Variants in EXOC4 observed in about 807,000 individuals in gnomAD.
EXOC4 encodes the protein SEC8-like 1.
Under a neutral mutation model 107.2 loss-of-function variants are expected in EXOC4, and 71 were observed. That is an observed-to-expected ratio of 0.66 (90% CI 0.55 to 0.81). The LOEUF (loss-of-function observed/expected upper bound fraction) is 0.81. Ranked by LOEUF, EXOC4 falls within the 30% of genes least tolerant of loss-of-function variation. EXOC4 has a pLI of 0.00. For missense variants in EXOC4, 1,108 were observed against 1,189.6 expected (o/e 0.93, Z 1.01); for synonymous variants, 456 against 441.2 (o/e 1.03, Z -0.42).
chr7:133,995,290 C>G (rs577605062), intron 14 of EXOC4, among the ~76,000 whole-genome samples: 132 of 152,176 alleles, frequency 8.7e-4, no homozygotes, highest in South Asian at 2.5e-3. Flanking sequence ...GTCCAGAATG[C>G]CTTTGATGGA....
At chr7:133,663,162 C>T (rs560012519) in intron 10 of EXOC4, among the ~76,000 whole-genome samples, 6 of 152,116 alleles carry the variant, frequency 3.9e-5, no homozygotes, top group Non-Finnish European at 5.9e-5. Flanking sequence ...TTTGATGTGG[C>T]TCACTGGTAT....
At chr7:133,954,240 C>T (rs1800762138) in intron 14 of EXOC4, among the ~76,000 whole-genome samples, 2 of 152,186 alleles carry the variant, frequency 1.3e-5, no homozygotes, top group South Asian at 2.1e-4. Context: ...TTATAATTAT[C>T]TAAGCAGTAA....
intron 7 of EXOC4, among the ~76,000 whole-genome samples, chr7:133,462,574 ACT>A (rs1205012213): frequency 2.6e-5 from 4 of 152,168 alleles, no homozygotes; most frequent in African/African-American, 7.2e-5. Flanking sequence ...CATGCATGTA[ACT>A]CTGATTAGTA....
chr7:133,920,378 G>T (rs918585675), intron 13 of EXOC4, among the ~76,000 whole-genome samples: 2 of 152,074 alleles, frequency 1.3e-5, no homozygotes, highest in African/African-American at 4.8e-5. Flanking sequence ...TTTTAATTAA[G>T]TCCAACATAT....
intron 9 of EXOC4, among the ~76,000 whole-genome samples, chr7:133,584,741 G>A: frequency 6.6e-6 from 1 of 151,890 alleles, no homozygotes; most frequent in Non-Finnish European, 1.5e-5. Flanking sequence ...ATCACACCCA[G>A]CTAATTTTTG....
At chr7:133,579,979 G>A (rs1229727879) in intron 9 of EXOC4, among the ~76,000 whole-genome samples, 2 of 152,212 alleles carry the variant, frequency 1.3e-5, no homozygotes, top group African/African-American at 2.4e-5. Context: ...ACAGGTGTGA[G>A]CCACTGCGCC....
chr7:133,707,113 T>C (rs930422414), intron 10 of EXOC4, among the ~76,000 whole-genome samples: 2 of 151,930 alleles, frequency 1.3e-5, no homozygotes, highest in Non-Finnish European at 2.9e-5. Context: ...CAATATAAAA[T>C]TGAAGCTAAG....
At chr7:133,461,485 A>G (rs1798592699) in intron 7 of EXOC4, among the ~76,000 whole-genome samples, 1 of 152,236 alleles carries the variant, frequency 6.6e-6, no homozygotes, top group Non-Finnish European at 1.5e-5. Context: ...ATATTTACAT[A>G]TTACAGATAA....
chr7:133,768,743 C>G (rs141523505), intron 10 of EXOC4, among the ~76,000 whole-genome samples: 1 of 152,062 alleles, frequency 6.6e-6, no homozygotes, highest in Non-Finnish European at 1.5e-5. Context: ...TTGAGATTGA[C>G]TATCATGTAT....
chr7:133,485,106 T>A (rs868756503), intron 9 of EXOC4, among the ~76,000 whole-genome samples: 2,518 of 140,398 alleles, frequency 0.018, 157 homozygotes, highest in African/African-American at 0.065. Context: ...AATAAATAAA[T>A]AAATAAATAA....
chr7:133,483,847 C>T (rs1184936539), intron 9 of EXOC4, among the ~76,000 whole-genome samples: 1 of 152,120 alleles, frequency 6.6e-6, no homozygotes, highest in East Asian at 1.9e-4. Flanking sequence ...TTCAGTTATT[C>T]CATTAATGAC....
chr7:133,799,873 G>T (rs535987891), intron 10 of EXOC4, among the ~76,000 whole-genome samples: 74 of 152,300 alleles, frequency 4.9e-4, no homozygotes, highest in African/African-American at 1.7e-3. Context: ...CTTGTTTGGA[G>T]ATTACTTTTC....
chr7:134,057,319 G>A (rs542709065), intron 17 of EXOC4, among the ~76,000 whole-genome samples: 6 of 151,846 alleles, frequency 4.0e-5, no homozygotes, highest in South Asian at 2.1e-4. Flanking sequence ...CACTTCTAGC[G>A]TGTCCTGATC....
intron 9 of EXOC4, among the ~76,000 whole-genome samples, chr7:133,626,392 A>C (rs1802456484): frequency 6.6e-6 from 1 of 152,172 alleles, no homozygotes; most frequent in Admixed American, 6.5e-5. Flanking sequence ...CTTGATTTTC[A>C]AGAATATTTT....
chr7:133,444,866 A>T (rs1203885477), intron 7 of EXOC4, among the ~76,000 whole-genome samples: 1 of 152,184 alleles, frequency 6.6e-6, no homozygotes, highest in Non-Finnish European at 1.5e-5. Context: ...GCCTTACCAG[A>T]TAGATTGTAT....
chr7:133,863,183 A>G (rs1446597457), intron 11 of EXOC4, among the ~76,000 whole-genome samples: 2 of 152,182 alleles, frequency 1.3e-5, no homozygotes. Flanking sequence ...AATCAAAACC[A>G]GACCAACCTC....
chr7:133,454,183 G>A (rs1480266223), intron 7 of EXOC4, among the ~76,000 whole-genome samples: 1 of 152,164 alleles, frequency 6.6e-6, no homozygotes, highest in African/African-American at 2.4e-5. Flanking sequence ...GTTTCCAGTA[G>A]ATAAGGAAAT....
At chr7:133,645,015 TTCC>T (rs1424432813) in intron 10 of EXOC4, among the ~76,000 whole-genome samples, 2 of 152,024 alleles carry the variant, frequency 1.3e-5, no homozygotes, top group Non-Finnish European at 2.9e-5. Context: ...CGATGCCCTT[TTCC>T]TCCTCCTTCA....
intron 11 of EXOC4, among the ~76,000 whole-genome samples, chr7:133,874,460 C>A (rs1281722882): frequency 1.3e-5 from 2 of 152,196 alleles, no homozygotes; most frequent in African/African-American, 4.8e-5. Context: ...AATCTCCACT[C>A]CTGAACAAAT....
Sources: gnomAD v4.1 joint callset for allele counts (sites outside exome capture counted in the v4.1 genomes callset) on GRCh38, gnomAD v4.1.1 for gene constraint, MANE v1.5 for transcripts, NCBI Gene and HGNC (gene_info 2026-07-23, HGNC 2026-07-21) for gene names.